PAX7: variants seen among roughly 807,000 people sequenced by gnomAD.
PAX7 encodes the protein paired box 7.
PAX7 carries 18 observed loss-of-function variants against 50.7 expected under a neutral mutation model. That is an observed-to-expected ratio of 0.36 (90% CI 0.25 to 0.53). PAX7 has a LOEUF of 0.53. Ranked by LOEUF, PAX7 falls within the 20% of genes least tolerant of loss-of-function variation. PAX7 has a pLI of 0.93. For missense variants in PAX7, 644 were observed against 702.9 expected (o/e 0.92, Z 0.95); for synonymous variants, 310 against 290.4 (o/e 1.07, Z -0.69).
intron 4 of PAX7, among the ~76,000 whole-genome samples, chr1:18,677,070 A>G (rs2088834121): frequency 6.6e-6 from 1 of 152,218 alleles, no homozygotes; most frequent in South Asian, 2.1e-4. Context: ...TCTCATCTAA[A>G]TGGGGCATGC....
At chr1:18,725,731 T>C (rs574652716) in intron 7 of PAX7, among the ~76,000 whole-genome samples, 7 of 152,176 alleles carry the variant, frequency 4.6e-5, no homozygotes, top group Non-Finnish European at 1.0e-4. Flanking sequence ...GCAGAGTCAC[T>C]CTAATCCCTC....
chr1:18,640,215 T>A (rs1044288484), intron 4 of PAX7, among the ~76,000 whole-genome samples: 5 of 152,176 alleles, frequency 3.3e-5, no homozygotes, highest in Non-Finnish European at 7.3e-5. Context: ...GCCCGGAGTG[T>A]CGGTTTTAGA....
chr1:18,665,490 C>T (rs538551023), intron 4 of PAX7, among the ~76,000 whole-genome samples: 2 of 152,216 alleles, frequency 1.3e-5, no homozygotes, highest in East Asian at 1.9e-4. Context: ...ATTCTCCTGC[C>T]TCAGCTTCCC....
At chr1:18,666,236 A>C (rs2088667616) in intron 4 of PAX7, among the ~76,000 whole-genome samples, 1 of 152,218 alleles carries the variant, frequency 6.6e-6, no homozygotes, top group Non-Finnish European at 1.5e-5. Context: ...ATTCTGTTTC[A>C]AAATCATCAT....
intron 5 of PAX7, among the ~76,000 whole-genome samples, chr1:18,692,400 G>T (rs2089085741): frequency 6.6e-6 from 1 of 152,126 alleles, no homozygotes. Flanking sequence ...AAATTAGCTG[G>T]GCTTGGTGAC....
chr1:18,648,013 C>CTG (rs2088373098), intron 4 of PAX7, among the ~76,000 whole-genome samples: 1 of 152,230 alleles, frequency 6.6e-6, no homozygotes, highest in African/African-American at 2.4e-5. Context: ...AGACACTGTT[C>CTG]TGTGTGTGGA....
In PAX7 at chr1:18,709,269, C is replaced by T. The variant is rs755614233; in HGVS notation, c.1155+5973C>T. Among the ~76,000 whole-genome samples, 26 of 152,128 alleles carry T rather than the reference C, an allele frequency of 1.7e-4. 1 individual carries two copies. The highest frequency in any genetic ancestry group is 3.1e-4 in the Non-Finnish European group (21 of 68,026). On this transcript the variant is annotated intron_variant, in intron 7 of 8. Coordinates refer to ENST00000420770, the MANE Select transcript of PAX7 (RefSeq NM_001135254.2). ...TCCTGCCACGACCTCGTGGAAGGGG[C>T]GTCTGTCTCCCCAGCACCGCTCCTG...
At chr1:18,666,447 G>T (rs916357997) in intron 4 of PAX7, among the ~76,000 whole-genome samples, 4 of 152,206 alleles carry the variant, frequency 2.6e-5, no homozygotes, top group African/African-American at 7.2e-5. Flanking sequence ...CCTGCCACAG[G>T]CCCCAGAAAG....
Position 18,643,487 on chromosome 1 carries a change from CGGAGGCGCCGAG to C in PAX7, c.586+7129_586+7140del, listed in dbSNP as rs551394336. Among the ~76,000 whole-genome samples the C allele has an allele frequency of 2.4e-4, 36 of 152,272 alleles. 1 individual carries two copies. In the East Asian group the frequency reaches 5.8e-3, roughly 25 times the overall value. ...CACAGTTTGAGGACGCTGGAAAATG[CGGAGGCGCCGAG>C]GGAGGCGCCGAGCAGCAGGAAGAAA... On this transcript the variant is annotated intron_variant, in intron 4 of 8. Transcript: ENST00000420770.
At chr1:18,657,120 T>C (rs1031921027) in intron 4 of PAX7, among the ~76,000 whole-genome samples, 12 of 152,146 alleles carry the variant, frequency 7.9e-5, no homozygotes, top group Non-Finnish European at 1.8e-4. Context: ...TCCCTCCCTA[T>C]TCAACCCACG....
chr1:18,641,704 G>A (rs2088258182), intron 4 of PAX7, among the ~76,000 whole-genome samples: 1 of 152,204 alleles, frequency 6.6e-6, no homozygotes, highest in Non-Finnish European at 1.5e-5. Context: ...GAAAAGACGA[G>A]GCTGGGGGAA....
chr1:18,658,293 C>G (rs943798420), intron 4 of PAX7, among the ~76,000 whole-genome samples: 1 of 151,514 alleles, frequency 6.6e-6, no homozygotes, highest in Admixed American at 6.6e-5. Flanking sequence ...GTTACTGAGC[C>G]CATCCTGGCT....
chr1:18,736,536 A>G (rs2100408288), intron 8 of PAX7, among the ~76,000 whole-genome samples: 1 of 152,180 alleles, frequency 6.6e-6, no homozygotes, highest in African/African-American at 2.4e-5. Context: ...TTAACCCAGT[A>G]CATCCAAAAG....
At chr1:18,688,795 T>C (rs1164317907) in intron 4 of PAX7, among the ~76,000 whole-genome samples, 1 of 152,094 alleles carries the variant, frequency 6.6e-6, no homozygotes, top group Non-Finnish European at 1.5e-5. Flanking sequence ...GTGCCTGTAG[T>C]CCCAGCTACT....
chr1:18,700,766 GC>G lies in PAX7; in HGVS notation c.906del (p.Tyr303ThrfsTer64). On this transcript the variant is annotated frameshift_variant, in exon 6 of 9. Coordinates refer to ENST00000420770, the MANE Select transcript of PAX7 (RefSeq NM_001135254.2). LOFTEE classifies it high-confidence loss of function. The surrounding 1 kb of genome is among the most constrained non-coding windows in gnomAD (Gnocchi z 4.8). The stretch of plus-strand genomic sequence containing the variant: ...TCCCACCCACCGGCATGCCCACGCT[GC>G]CCCCCTACCAGCTGCCGGACTCCAC... Reference protein sequence around the residue: ...GFPPTGMPTLPPYQLPDSTYP... With the variant: ...GFPPTGMPTLXPYQLPDSTYP... 2.5e-6 allele frequency: 4 copies of G among 1,587,740 alleles called. No homozygotes were observed. The highest frequency in any genetic ancestry group is 3.4e-6 in the Non-Finnish European group (4 of 1,167,932).
At chr1:18,670,082 CAA>C (rs10626256) in intron 4 of PAX7, among the ~76,000 whole-genome samples, 1,595 of 81,262 alleles carry the variant, frequency 0.02, 22 homozygotes, top group African/African-American at 0.063. Context: ...GACTCCATCT[CAA>C]AAAAAAAAAA....
At chr1:18,635,296 G>A (rs1394019962) in intron 3 of PAX7, 56 bp downstream of exon 3, 7 of 1,596,362 alleles carry the variant, frequency 4.4e-6, no homozygotes, top group Admixed American at 3.4e-5. Context: ...GGGGTCCAGT[G>A]TGGAGGGCTG....
At chr1:18,693,008 CT>C (rs2089097267) in intron 5 of PAX7, among the ~76,000 whole-genome samples, 1 of 152,098 alleles carries the variant, frequency 6.6e-6, no homozygotes, top group Non-Finnish European at 1.5e-5. Flanking sequence ...AGGAGCCTCT[CT>C]GGGGATCTGG....
chr1:18,742,240 C>T (rs557895491), intron 8 of PAX7, among the ~76,000 whole-genome samples: 2 of 148,508 alleles, frequency 1.3e-5, no homozygotes, highest in South Asian at 4.3e-4. Context: ...TCACTGCAAG[C>T]TCCGCCTCCC....
Sources: allele counts gnomAD v4.1 joint callset (sites outside exome capture counted in the v4.1 genomes callset), GRCh38; gene constraint gnomAD v4.1.1; non-coding constraint Gnocchi (gnomAD v3.1); transcripts MANE v1.5; gene names NCBI Gene and HGNC (gene_info 2026-07-23, HGNC 2026-07-21).